ELOVL5: variants seen among roughly 807,000 people sequenced by gnomAD.
The protein encoded by ELOVL5 is very long chain fatty acid elongase 5.
In ELOVL5, 8 loss-of-function variants were observed where a neutral mutation model predicts 38.6. The observed-to-expected ratio is 0.21, with a 90% CI of 0.12 to 0.37. The LOEUF (loss-of-function observed/expected upper bound fraction) is 0.37. Among genes scored for constraint, ELOVL5 ranks in the 10% least tolerant of loss-of-function variants. ELOVL5 has a pLI of 1.00. For missense variants in ELOVL5, 280 were observed against 367.8 expected (o/e 0.76, Z 1.95); for synonymous variants, 127 against 133.7 (o/e 0.95, Z 0.34).
At chr6:53,318,098 A>T (rs1226885570) in intron 1 of ELOVL5, among the ~76,000 whole-genome samples, 1 of 152,186 alleles carries the variant, frequency 6.6e-6, no homozygotes, top group Admixed American at 6.5e-5. Context: ...CACTGAGAGG[A>T]GGCCAACTGA....
At chr6:53,274,498 A>C (rs1054600760) in intron 5 of ELOVL5, among the ~76,000 whole-genome samples, 1 of 152,050 alleles carries the variant, frequency 6.6e-6, no homozygotes, top group Non-Finnish European at 1.5e-5. Flanking sequence ...ATTTGCTAAA[A>C]CTCCCAGGCT....
chr6:53,324,252 C>CA (rs59453946), intron 1 of ELOVL5, among the ~76,000 whole-genome samples: 125 of 110,330 alleles, frequency 1.1e-3, no homozygotes, highest in Admixed American at 3.5e-3. Context: ...GACTCTACCT[C>CA]AAAAAAAAAA....
At chr6:53,275,021 T>C (rs1766059516) in intron 5 of ELOVL5, 69 bp downstream of exon 5, 2 of 1,468,576 alleles carry the variant, frequency 1.4e-6, no homozygotes, top group African/African-American at 1.4e-5. Flanking sequence ...GCACCTTTTC[T>C]GAAAGCCTTA....
At chr6:53,345,830 G>A (rs1212040893) in intron 1 of ELOVL5, among the ~76,000 whole-genome samples, 3 of 152,180 alleles carry the variant, frequency 2.0e-5, no homozygotes, top group Admixed American at 2.0e-4. Flanking sequence ...AGATGTTGCA[G>A]GAGACAGAGC....
intron 1 of ELOVL5, among the ~76,000 whole-genome samples, chr6:53,306,144 G>C (rs1767530637): frequency 3.4e-5 from 5 of 148,844 alleles, no homozygotes; most frequent in Admixed American, 3.3e-4. Flanking sequence ...AGTGAGCCGA[G>C]ATGGCAGCAG....
intron 1 of ELOVL5, among the ~76,000 whole-genome samples, chr6:53,342,456 C>T (rs1392445719): frequency 2.0e-5 from 3 of 152,150 alleles, no homozygotes; most frequent in African/African-American, 7.2e-5. Context: ...GTGGCCAATT[C>T]GCCAGCATGG....
intron 1 of ELOVL5, among the ~76,000 whole-genome samples, chr6:53,307,973 A>G (rs1767664375): frequency 6.6e-6 from 1 of 152,216 alleles, no homozygotes; most frequent in South Asian, 2.1e-4. Context: ...TATCATTCTT[A>G]AAATACCCCA....
chr6:53,282,236 T>C (rs988988476), intron 3 of ELOVL5, among the ~76,000 whole-genome samples: 1 of 152,254 alleles, frequency 6.6e-6, no homozygotes, highest in African/African-American at 2.4e-5. Flanking sequence ...GTATAATTTG[T>C]GTCATTTAAA....
At chr6:53,311,502 AACAC>A (rs1330211673) in intron 1 of ELOVL5, among the ~76,000 whole-genome samples, 3 of 152,186 alleles carry the variant, frequency 2.0e-5, no homozygotes, top group Non-Finnish European at 4.4e-5. Flanking sequence ...AAGAAATGAA[AACAC>A]ACATTCACTC....
chr6:53,344,430 T>C (rs1224622444), intron 1 of ELOVL5, among the ~76,000 whole-genome samples: 1 of 152,200 alleles, frequency 6.6e-6, no homozygotes, highest in East Asian at 1.9e-4. Flanking sequence ...CCCTACACTC[T>C]AACAAGACTG....
rs1440442903 is a variant in ELOVL5, at chr6:53,268,056, T to C, written c.*1071A>G. 1 of 152,232 alleles carries C rather than the reference T, an allele frequency of 6.6e-6. No homozygotes were observed. Among genetic ancestry groups the C allele is most frequent in the African/African-American group, 2.4e-5 (1 of 41,466 alleles). The allele number at this position is 152,232 out of a possible 1,614,324, so 9.4% of individuals were successfully genotyped here. ...TCTCTTATGCTGTAGCTATATTTGA[T>C]TTTACCTTAAAAAGTTCTAAGGTCC... is the stretch of plus-strand genomic sequence containing the variant. On this transcript the variant is annotated 3_prime_UTR_variant, in exon 8 of 8. Transcript: ENST00000304434.
chr6:53,319,294 A>G (rs1306949532), intron 1 of ELOVL5, among the ~76,000 whole-genome samples: 5 of 36,342 alleles, frequency 1.4e-4, no homozygotes, highest in African/African-American at 2.9e-4. Flanking sequence ...AAAAAAAAAA[A>G]AAAAAAAAAA....
intron 1 of ELOVL5, among the ~76,000 whole-genome samples, chr6:53,338,031 G>T (rs1024699939): frequency 1.3e-5 from 2 of 152,140 alleles, no homozygotes; most frequent in African/African-American, 4.8e-5. Context: ...GGCACCCAAC[G>T]ATGAAAAGTT....
At chr6:53,342,457 G>A (rs1158097500) in intron 1 of ELOVL5, among the ~76,000 whole-genome samples, 3 of 152,140 alleles carry the variant, frequency 2.0e-5, no homozygotes, top group African/African-American at 7.2e-5. Context: ...TGGCCAATTC[G>A]CCAGCATGGC....
chr6:53,305,850 G>A (rs1767514334), intron 1 of ELOVL5, among the ~76,000 whole-genome samples: 1 of 152,152 alleles, frequency 6.6e-6, no homozygotes, highest in South Asian at 2.1e-4. Context: ...GGCCAAGGCA[G>A]GCGGCTGGGA....
chr6:53,300,630 C>T (rs1459092948), intron 1 of ELOVL5, among the ~76,000 whole-genome samples: 1 of 152,140 alleles, frequency 6.6e-6, no homozygotes, highest in African/African-American at 2.4e-5. Flanking sequence ...CATTTAGAGG[C>T]ACAAATGAGC....
At chr6:53,272,941 T>G (rs911388871) in intron 6 of ELOVL5, among the ~76,000 whole-genome samples, 1 of 152,184 alleles carries the variant, frequency 6.6e-6, no homozygotes, top group Non-Finnish European at 1.5e-5. Context: ...CATGCATATG[T>G]GCTTATGTGC....
chr6:53,300,414 AT>A (rs1200345292), intron 1 of ELOVL5, among the ~76,000 whole-genome samples: 1 of 152,178 alleles, frequency 6.6e-6, no homozygotes, highest in Non-Finnish European at 1.5e-5. Context: ...ATAAACATAT[AT>A]TAATTACAGA....
At chr6:53,348,298 C>G (rs1299528498) in intron 1 of ELOVL5, among the ~76,000 whole-genome samples, 1 of 152,186 alleles carries the variant, frequency 6.6e-6, no homozygotes, top group Admixed American at 6.5e-5. Context: ...CGGAGAGTCC[C>G]CCCAGCGGCG....
Sources: gnomAD v4.1 joint callset for allele counts (sites outside exome capture counted in the v4.1 genomes callset) on GRCh38, gnomAD v4.1.1 for gene constraint, MANE v1.5 for transcripts, NCBI Gene and HGNC (gene_info 2026-07-23, HGNC 2026-07-21) for gene names.